GALK2: variants seen among roughly 807,000 people sequenced by gnomAD.
GALK2 encodes galactokinase 2, also known as N-acetylgalactosamine kinase.
GALK2 carries 36 observed loss-of-function variants against 52.4 expected under a neutral mutation model. The ratio of observed to expected loss-of-function variants is 0.69; its 90% CI spans 0.53 to 0.91. GALK2 has a LOEUF of 0.91. Ranked by LOEUF, GALK2 falls within the 40% of genes least tolerant of loss-of-function variation. The pLI, the probability that GALK2 is intolerant of heterozygous loss-of-function variation, is 0.00. For synonymous variants in GALK2, 176 were observed against 199.1 expected (o/e 0.88, Z 0.98); for missense variants, 579 against 559.1 (o/e 1.04, Z -0.36).
intron 1 of GALK2, 109 bp from the exon 2 acceptor site, chr15:49,201,053 A>AGTGTGTGTGTGTGT (rs10629223): frequency 5.3e-4 from 211 of 400,818 alleles, no homozygotes; most frequent in African/African-American, 4.1e-3. Flanking sequence ...AGGCATATGG[A>AGTGTGTGTGTGTGT]GTGTGTGTGT....
At chr15:49,313,069 C>A (rs1041996082) in intron 8 of GALK2, among the ~76,000 whole-genome samples, 1 of 152,154 alleles carries the variant, frequency 6.6e-6, no homozygotes, top group African/African-American at 2.4e-5. Flanking sequence ...CTAAGTGTCA[C>A]ATAGTTGGGA....
chr15:49,332,397 T>C (rs2038961412), downstream of GALK2, among the ~76,000 whole-genome samples: 1 of 152,164 alleles, frequency 6.6e-6, no homozygotes. Context: ...TGACAGCGCT[T>C]ACTAGACTGT....
chr15:49,190,228 C>T (rs1274882442), intron 1 of GALK2, among the ~76,000 whole-genome samples: 4 of 152,256 alleles, frequency 2.6e-5, no homozygotes, highest in Non-Finnish European at 5.9e-5. Flanking sequence ...TCATTGTATT[C>T]ATGGATTCAT....
intron 8 of GALK2, among the ~76,000 whole-genome samples, chr15:49,312,278 C>T (rs2036056845): frequency 6.6e-6 from 1 of 152,220 alleles, no homozygotes; most frequent in Non-Finnish European, 1.5e-5. Flanking sequence ...GGGCACCATC[C>T]AACTGGCTGC....
chr15:49,326,542 A>T (rs2037532241), intron 9 of GALK2, among the ~76,000 whole-genome samples: 1 of 152,042 alleles, frequency 6.6e-6, no homozygotes, highest in Admixed American at 6.6e-5. Flanking sequence ...GAGCCACTGC[A>T]CCCGGCATGA....
chr15:49,303,155 A>G (rs917627224), intron 8 of GALK2, among the ~76,000 whole-genome samples: 3 of 152,070 alleles, frequency 2.0e-5, no homozygotes, highest in South Asian at 2.1e-4. Context: ...TTTCCTAGGG[A>G]AAAAAAATGG....
intron 3 of GALK2, among the ~76,000 whole-genome samples, chr15:49,339,722 A>G (rs994784041): frequency 6.6e-6 from 1 of 152,174 alleles, no homozygotes; most frequent in Non-Finnish European, 1.5e-5. Flanking sequence ...AGCTGTGCCT[A>G]CAACCGCCCC....
intron 2 of GALK2, among the ~76,000 whole-genome samples, chr15:49,212,146 G>A (rs1467513749): frequency 6.6e-6 from 1 of 152,126 alleles, no homozygotes; most frequent in Non-Finnish European, 1.5e-5. Context: ...AGGCTGGAGT[G>A]CAGTGGCGCT....
chr15:49,316,977 G>A (rs1462302798), intron 8 of GALK2, among the ~76,000 whole-genome samples: 1 of 152,220 alleles, frequency 6.6e-6, no homozygotes, highest in East Asian at 1.9e-4. Flanking sequence ...CTGATAGTAG[G>A]GTGGAAAAGG....
chr15:49,202,025 T>TG (rs2087823456), intron 2 of GALK2, among the ~76,000 whole-genome samples: 1 of 152,142 alleles, frequency 6.6e-6, no homozygotes, highest in African/African-American at 2.4e-5. Context: ...TTTTCTGAGA[T>TG]GGAGTTTTGC....
chr15:49,185,344 G>A (rs1225810835), intron 1 of GALK2, among the ~76,000 whole-genome samples: 1 of 152,160 alleles, frequency 6.6e-6, no homozygotes, highest in Non-Finnish European at 1.5e-5. Flanking sequence ...ATTACAGGGT[G>A]TTTATGTGCC....
intron 5 of GALK2, among the ~76,000 whole-genome samples, chr15:49,260,781 A>G (rs902306825): frequency 4.6e-5 from 7 of 152,182 alleles, no homozygotes; most frequent in African/African-American, 9.7e-5. Context: ...AGCTTTCTAC[A>G]TATGGCTAGC....
chr15:49,208,018 C>G (rs569847554), intron 2 of GALK2, among the ~76,000 whole-genome samples: 1 of 152,184 alleles, frequency 6.6e-6, no homozygotes, highest in Non-Finnish European at 1.5e-5. Context: ...GGTGGTCCAC[C>G]CGCCTCAGCC....
upstream of GALK2, among the ~76,000 whole-genome samples, chr15:49,165,773 T>C (rs567856296): frequency 3.3e-5 from 5 of 151,874 alleles, no homozygotes; most frequent in East Asian, 7.7e-4. Context: ...TCTGATTCAG[T>C]AGGTCTGGGC....
intron 3 of GALK2, among the ~76,000 whole-genome samples, chr15:49,339,958 AC>A (rs2040416377): frequency 6.6e-6 from 1 of 151,756 alleles, no homozygotes; most frequent in Non-Finnish European, 1.5e-5. Flanking sequence ...AATGGTGGAC[AC>A]CCCTCCCCCC....
intron 5 of GALK2, among the ~76,000 whole-genome samples, chr15:49,239,591 T>C (rs1453466341): frequency 6.6e-6 from 1 of 152,208 alleles, no homozygotes; most frequent in Non-Finnish European, 1.5e-5. Context: ...AAAAATACAT[T>C]GTATTAAATA....
At chr15:49,192,495 A>ATATATATATATATATATG (rs2086826292) in intron 1 of GALK2, among the ~76,000 whole-genome samples, 1 of 17,016 alleles carries the variant, frequency 5.9e-5, no homozygotes, top group Non-Finnish European at 2.2e-4. Context: ...GTATATATAT[A>ATATATATATATATATATG]TATATATATA....
chr15:49,240,370 A>C (rs1484201317), intron 5 of GALK2, among the ~76,000 whole-genome samples: 1 of 152,216 alleles, frequency 6.6e-6, no homozygotes, highest in Non-Finnish European at 1.5e-5. Context: ...TTCAACCATT[A>C]TTTATTTAAT....
chr15:49,258,603 G>A (rs770594576), intron 5 of GALK2, among the ~76,000 whole-genome samples: 1 of 151,978 alleles, frequency 6.6e-6, no homozygotes, highest in Admixed American at 6.6e-5. Context: ...TGATGTAATA[G>A]AGCAGAGAGT....
Sources: allele counts gnomAD v4.1 joint callset (sites outside exome capture counted in the v4.1 genomes callset), GRCh38; gene constraint gnomAD v4.1.1; transcripts MANE v1.5; gene names NCBI Gene and HGNC (gene_info 2026-07-23, HGNC 2026-07-21).